The following INO80 variants were observed in gnomAD, a reference collection of about 807,000 sequenced individuals.
INO80 encodes chromatin-remodeling ATPase INO80.
A neutral mutation model predicts 203.4 loss-of-function variants in INO80; 20 were observed. That is an observed-to-expected ratio of 0.10 (90% CI 0.07 to 0.14). INO80 has a LOEUF of 0.14. INO80 is among the 10% of genes least tolerant of loss of function. The pLI, the probability that INO80 is intolerant of heterozygous loss-of-function variation, is 1.00. For missense variants in INO80, 1,419 were observed against 1,914.4 expected (o/e 0.74, Z 4.83); for synonymous variants, 726 against 685.2 (o/e 1.06, Z -0.93).
At chr15:41,005,198 C>CATAAAA (rs1268921972) in intron 28 of INO80, 3 of 16,872 alleles carry the variant, frequency 1.8e-4, no homozygotes, top group African/African-American at 3.0e-4. Flanking sequence ...GTCTCACACA[C>CATAAAA]ACAAAAAAAA....
At chr15:41,090,429 A>T (rs2045618557) in intron 5 of INO80, among the ~76,000 whole-genome samples, 3 of 152,032 alleles carry the variant, frequency 2.0e-5, no homozygotes. Context: ...CGCAAAAAAA[A>T]AGCCGGGCGT....
chr15:41,105,177 T>G (rs1193281450), intron 1 of INO80, among the ~76,000 whole-genome samples: 1 of 152,218 alleles, frequency 6.6e-6, no homozygotes, highest in East Asian at 1.9e-4. Context: ...CTATTAACTA[T>G]GTGGTCTAAC....
chr15:41,030,799 C>T (rs1025287845), intron 24 of INO80, among the ~76,000 whole-genome samples: 3 of 151,864 alleles, frequency 2.0e-5, no homozygotes, highest in East Asian at 1.9e-4. Flanking sequence ...CTCAGCCTCC[C>T]GAGTAGCTGG....
intron 16 of INO80, among the ~76,000 whole-genome samples, chr15:41,057,447 C>T (rs115406597): frequency 0.01 from 1,502 of 144,838 alleles, 30 homozygotes; most frequent in African/African-American, 0.038. Flanking sequence ...AGAGCAAGAC[C>T]CTATCCCCTG....
intron 23 of INO80, 49 bp from the exon 24 acceptor site, chr15:41,045,124 T>C (rs1258272298): frequency 1.4e-6 from 2 of 1,469,794 alleles, no homozygotes; most frequent in Non-Finnish European, 1.8e-6. Context: ...CATGGAGGTT[T>C]GAGGGTCGTT....
At chr15:41,054,075 C>T (rs953926902) in intron 18 of INO80, 61 bp from the exon 19 acceptor site, 4 of 1,297,220 alleles carry the variant, frequency 3.1e-6, no homozygotes, top group Non-Finnish European at 4.4e-6. Context: ...ACAACAGAAA[C>T]AAATACCACA....
In INO80 at chr15:41,058,716, C is replaced by T. The variant is rs755331910; in HGVS notation, c.1908G>A (p.Gln636=). 1.9e-6 allele frequency: 3 copies of T among 1,613,910 alleles called. No homozygotes were observed. In the African/African-American group the frequency reaches 4.0e-5, roughly 22 times the overall value. The change falls in exon 16 of 36, where the codon CAG becomes CAA. Residue 636 remains glutamine, a synonymous_variant. Transcript: ENST00000648947. ...VVITSYQLVV[Q]DVKYFQRVKW... is the part of the protein sequence containing the mutation. The stretch of plus-strand genomic sequence containing the variant: ...TGACCCGCTGGAAATACTTTACATC[C>T]TGCACCACCAGCTGATAGCTGGTAA...
chr15:41,080,798 G>C (rs529954436), intron 8 of INO80, among the ~76,000 whole-genome samples: 3 of 152,256 alleles, frequency 2.0e-5, no homozygotes, highest in African/African-American at 7.2e-5. Context: ...GTTGCAGTGA[G>C]CCAAGATCAC....
At chr15:41,074,913 T>G (rs1294262625) in intron 9 of INO80, among the ~76,000 whole-genome samples, 1 of 152,096 alleles carries the variant, frequency 6.6e-6, no homozygotes, top group Non-Finnish European at 1.5e-5. Flanking sequence ...CTCGGCTAAT[T>G]TGTATATTAC....
At chr15:41,057,313 C>T (rs1311034462) in intron 16 of INO80, among the ~76,000 whole-genome samples, 1 of 151,550 alleles carries the variant, frequency 6.6e-6, no homozygotes. Flanking sequence ...AAAATTAGCC[C>T]AGCATGGTGG....
intron 35 of INO80, among the ~76,000 whole-genome samples, chr15:40,981,890 C>T (rs562039447): frequency 1.3e-5 from 2 of 152,326 alleles, no homozygotes; most frequent in East Asian, 3.9e-4. Context: ...CAGTGACCCC[C>T]AGTATGCCTT....
chr15:41,107,268 T>A (rs546348867), intron 1 of INO80, among the ~76,000 whole-genome samples: 15 of 152,252 alleles, frequency 9.9e-5, no homozygotes, highest in African/African-American at 3.4e-4. Context: ...CAGGCGATCA[T>A]TTGAGGCCAG....
At chr15:40,984,428 G>C in intron 32 of INO80, 76 bp from the exon 33 acceptor site, 1 of 1,364,804 alleles carries the variant, frequency 7.3e-7, no homozygotes, top group Non-Finnish European at 1.0e-6. Context: ...GGAAGAAAAG[G>C]ATAACAGAAC....
chr15:41,021,295 T>C (rs1046243372), intron 25 of INO80, among the ~76,000 whole-genome samples, 170 bp from the exon 26 acceptor site: 1 of 152,176 alleles, frequency 6.6e-6, no homozygotes, highest in Non-Finnish European at 1.5e-5. Flanking sequence ...TTAGTGAGCT[T>C]TTCCAGATAA....
intron 24 of INO80, among the ~76,000 whole-genome samples, chr15:41,043,473 T>C (rs1464267764): frequency 6.6e-6 from 1 of 152,194 alleles, no homozygotes; most frequent in East Asian, 1.9e-4. Flanking sequence ...TTTGCATTAC[T>C]GATTCCCTCT....
chr15:41,039,515 T>C (rs1479898829), intron 24 of INO80, among the ~76,000 whole-genome samples: 1 of 152,182 alleles, frequency 6.6e-6, no homozygotes, highest in African/African-American at 2.4e-5. Context: ...TTGCCTACTG[T>C]GGTATGCAGT....
At chr15:40,996,034 A>AGT (rs1482209883) in intron 29 of INO80, among the ~76,000 whole-genome samples, 1 of 151,568 alleles carries the variant, frequency 6.6e-6, no homozygotes, top group Non-Finnish European at 1.5e-5. Context: ...GTATCAGATT[A>AGT]GTGAGAGAGA....
intron 9 of INO80, among the ~76,000 whole-genome samples, chr15:41,076,887 T>C (rs942848719): frequency 6.6e-6 from 1 of 152,068 alleles, no homozygotes; most frequent in African/African-American, 2.4e-5. Context: ...ATAAGTAGCA[T>C]ATTAAAGAGT....
chr15:40,984,495 G>A, intron 32 of INO80, 143 bp from the exon 33 acceptor site: 1 of 732,154 alleles, frequency 1.4e-6, no homozygotes, highest in East Asian at 2.7e-5. Context: ...AAGAAAAACT[G>A]CATAAGGAAG....
Sources: allele counts gnomAD v4.1 joint callset (sites outside exome capture counted in the v4.1 genomes callset), GRCh38; gene constraint gnomAD v4.1.1; transcripts MANE v1.5; gene names NCBI Gene and HGNC (gene_info 2026-07-23, HGNC 2026-07-21).